The following ZGRF1 variants were observed in gnomAD, a reference collection of about 807,000 sequenced individuals.
The protein encoded by ZGRF1 is 5'-3' DNA helicase ZGRF1.
ZGRF1 carries 196 observed loss-of-function variants against 203.5 expected under a neutral mutation model. The ratio of observed to expected loss-of-function variants is 0.96; its 90% confidence interval spans 0.86 to 1.08. ZGRF1 has a LOEUF of 1.08. Ranked by LOEUF, ZGRF1 falls within the 50% of genes least tolerant of loss-of-function variation. The probability of loss-of-function intolerance (pLI) is 0.00; values close to 1 mark genes in which losing one functional copy is unlikely to be tolerated. For missense variants in ZGRF1, 2,326 were observed against 2,416.3 expected (o/e 0.96, Z 0.78); for synonymous variants, 809 against 841.3 (o/e 0.96, Z 0.66).
chr4:112,561,911 CTTTT>C (rs11385405), intron 18 of ZGRF1, among the ~76,000 whole-genome samples: 3 of 108,196 alleles, frequency 2.8e-5, no homozygotes, highest in Non-Finnish European at 1.8e-5. Flanking sequence ...TTCCTTTTCT[CTTTT>C]TTTTTTTTTT....
At chr4:112,594,206 T>C (rs1369358577) in intron 10 of ZGRF1, among the ~76,000 whole-genome samples, 1 of 152,162 alleles carries the variant, frequency 6.6e-6, no homozygotes, top group Non-Finnish European at 1.5e-5. Context: ...ATATCTGGTT[T>C]GTCCATCAAT....
At chr4:112,591,979 A>G (rs1481891317) in intron 10 of ZGRF1, among the ~76,000 whole-genome samples, 1 of 152,208 alleles carries the variant, frequency 6.6e-6, no homozygotes, top group Admixed American at 6.5e-5. Context: ...AGAACAGTGT[A>G]ACATAACAGG....
chr4:112,561,225 A>G (rs1741914592), intron 18 of ZGRF1: 5 of 480,682 alleles, frequency 1.0e-5, no homozygotes, highest in Non-Finnish European at 1.9e-5. Context: ...CACTTTGTTG[A>G]GCATTTTACA....
At chr4:112,610,033 G>A (rs10019819) in intron 7 of ZGRF1, among the ~76,000 whole-genome samples, 6,544 of 152,046 alleles carry the variant, frequency 0.043, 247 homozygotes, top group East Asian at 0.19. Context: ...CAGCTACTCA[G>A]GAGGCTGAGG....
rs1434362189 is a variant in ZGRF1, at chr4:112,619,583, T to C, written c.459A>G (p.Pro153=). 1 of 1,614,034 alleles carries C rather than the reference T, an allele frequency of 6.2e-7. No individual in the cohort carries two copies. Among genetic ancestry groups the C allele is most frequent in the Non-Finnish European group, 8.5e-7 (1 of 1,179,966 alleles). ...AKKTGPTIFS[P]FCSMPPLFPT... ...GAAACAAAGGAGGCATGCTGCAGAA[T>C]GGAGAAAAAATAGTAGGGCCAGTTT... Residue 153 remains proline, a synonymous_variant, in exon 6 of 28, where the codon CCA becomes CCG. Transcript: ENST00000505019.
chr4:112,551,610 A>T (rs546044986), intron 22 of ZGRF1, among the ~76,000 whole-genome samples: 1 of 152,172 alleles, frequency 6.6e-6, no homozygotes, highest in Non-Finnish European at 1.5e-5. Flanking sequence ...AAAAACAAAA[A>T]TCTTAAAGCC....
chr4:112,563,098 A>G, intron 17 of ZGRF1, 33 bp downstream of exon 17: 2 of 1,501,488 alleles, frequency 1.3e-6, no homozygotes, highest in Non-Finnish European at 1.8e-6. Context: ...ATTCTTTTTA[A>G]ATATAAACTA....
intron 16 of ZGRF1, chr4:112,565,249 G>T: frequency 1.9e-6 from 3 of 1,591,314 alleles, no homozygotes; most frequent in South Asian, 2.2e-5. Context: ...CTTCCAGAGC[G>T]CAGCTATCGG....
intron 20 of ZGRF1, among the ~76,000 whole-genome samples, chr4:112,557,406 A>G (rs1741138374): frequency 6.6e-6 from 1 of 152,126 alleles, no homozygotes; most frequent in African/African-American, 2.4e-5. Context: ...AACTTCTGAC[A>G]TCAAGTGATC....
chr4:112,570,578 C>G (rs761744995), intron 16 of ZGRF1, among the ~76,000 whole-genome samples: 1 of 151,920 alleles, frequency 6.6e-6, no homozygotes, highest in Non-Finnish European at 1.5e-5. Flanking sequence ...GAGCAAGACT[C>G]TGTCTCAAAC....
In ZGRF1 at chr4:112,586,501, G is replaced by C. The variant is rs964551550; in HGVS notation, c.3860C>G (p.Pro1287Arg). The change falls in exon 13 of 28, where the codon CCA (proline) becomes CGA (arginine). Residue 1287 changes from proline (P) to arginine (R), a missense_variant. Physicochemically the swap from Pro to Arg is moderately radical, Grantham distance 103 (BLOSUM62 -2). Coordinates refer to ENST00000505019, the MANE Select transcript of ZGRF1 (RefSeq NM_018392.5). ...AYLPQRQIHI[P>R]AVFQSPAHYK... ...ATGAGCAGGAGACTGAAAAACAGCT[G>C]GTATGTGAATTTGCCTTTGGGGAAG... 1 of 1,612,900 alleles carries C rather than the reference G, an allele frequency of 6.2e-7. No homozygotes were observed. Among genetic ancestry groups the C allele is most frequent in the Non-Finnish European group, 8.5e-7 (1 of 1,179,374 alleles).
intron 4 of ZGRF1, among the ~76,000 whole-genome samples, chr4:112,621,221 G>T (rs1342172699): frequency 6.6e-6 from 1 of 152,054 alleles, no homozygotes; most frequent in African/African-American, 2.4e-5. Context: ...ATCTTTAAAT[G>T]AATAAGATAC....
chr4:112,594,696 G>A (rs1457448435), intron 10 of ZGRF1, among the ~76,000 whole-genome samples: 1 of 151,130 alleles, frequency 6.6e-6, no homozygotes, highest in Non-Finnish European at 1.5e-5. Flanking sequence ...CAAATGATCT[G>A]CCCACCTCAG....
chr4:112,582,288 C>CTTT (rs34363128), intron 15 of ZGRF1, among the ~76,000 whole-genome samples: 1 of 142,102 alleles, frequency 7.0e-6, no homozygotes, highest in African/African-American at 2.6e-5. Context: ...TACTGTATTC[C>CTTT]TTTTTTTTTT....
intron 10 of ZGRF1, among the ~76,000 whole-genome samples, chr4:112,594,524 C>T (rs1341401351): frequency 4.6e-5 from 7 of 151,468 alleles, no homozygotes; most frequent in Non-Finnish European, 8.8e-5. Context: ...ATGATCTTAG[C>T]TCACAGCAAC....
intron 16 of ZGRF1, chr4:112,564,944 T>C (rs1742740026): frequency 1.3e-5 from 10 of 784,040 alleles, no homozygotes; most frequent in Non-Finnish European, 2.3e-5. Flanking sequence ...CTGACCAAGC[T>C]CCAGCCGAAG....
At chr4:112,543,681 G>A (rs533902751) in intron 24 of ZGRF1, among the ~76,000 whole-genome samples, 1 of 152,288 alleles carries the variant, frequency 6.6e-6, no homozygotes, top group East Asian at 1.9e-4. Context: ...AATATCACAA[G>A]AAAGGTACAA....
rs375687368 is a variant in ZGRF1 at position 112,617,801 on chromosome 4, GTGATTC to G, written c.2235_2240del (p.Gln745_Asn746del). ...ATTTATCAAGTGCAATACATTCATAGTGATTCTGATTGGTATTTAATAGTTGGACAC... is the reference window on the plus strand; with the variant it reads ...ATTTATCAAGTGCAATACATTCATAGTGATTGGTATTTAATAGTTGGACAC... On this transcript the variant is annotated inframe_deletion, in exon 6 of 28. Transcript: ENST00000505019. The G allele has an allele frequency of 7.4e-6, 12 of 1,613,798 alleles. No individual in the cohort carries two copies. The African/African-American group carries it at 1.3e-4, about 18-fold the overall frequency.
intron 3 of ZGRF1, among the ~76,000 whole-genome samples, chr4:112,630,624 G>A (rs1278582234): frequency 1.3e-5 from 2 of 152,092 alleles, no homozygotes; most frequent in Admixed American, 1.3e-4. Flanking sequence ...TAAAATTAGT[G>A]ACTCAACTGT....
Sources: gnomAD v4.1 joint callset for allele counts (sites outside exome capture counted in the v4.1 genomes callset) on GRCh38, gnomAD v4.1.1 for gene constraint, MANE v1.5 for transcripts, NCBI Gene and HGNC (gene_info 2026-07-23, HGNC 2026-07-21) for gene names.